CNOT10: variants seen among roughly 807,000 people sequenced by gnomAD.
CNOT10 encodes CCR4-NOT transcription complex, subunit 10.
Under a neutral mutation model 94.6 loss-of-function variants are expected in CNOT10, and 30 were observed. That is an observed-to-expected ratio of 0.32 (90% CI 0.24 to 0.43). The LOEUF is 0.43. Ranked by LOEUF, CNOT10 falls within the 20% of genes least tolerant of loss-of-function variation. The pLI, the probability that CNOT10 is intolerant of heterozygous loss-of-function variation, is 1.00. For synonymous variants in CNOT10, 289 were observed against 301.6 expected (o/e 0.96, Z 0.43); for missense variants, 759 against 877.2 (o/e 0.87, Z 1.70).
intron 6 of CNOT10, among the ~76,000 whole-genome samples, chr3:32,716,703 A>C (rs114635607): frequency 0.014 from 2,114 of 152,250 alleles, 18 homozygotes; most frequent in Non-Finnish European, 0.023. Context: ...GCTGCAGTGC[A>C]ATGGTGCGAT....
intron 1 of CNOT10, among the ~76,000 whole-genome samples, chr3:32,696,669 G>A (rs1697084896): frequency 6.6e-6 from 1 of 152,084 alleles, no homozygotes; most frequent in African/African-American, 2.4e-5. Context: ...CACAATCTCA[G>A]CTCACTGCAG....
At chr3:32,760,865 A>G (rs887990347) in intron 14 of CNOT10, among the ~76,000 whole-genome samples, 2 of 151,696 alleles carry the variant, frequency 1.3e-5, no homozygotes, top group African/African-American at 4.8e-5. Context: ...GCTGTGGCTC[A>G]CACCTGTAAT....
At chr3:32,730,051 A>C (rs1032149468) in intron 10 of CNOT10, among the ~76,000 whole-genome samples, 1 of 152,008 alleles carries the variant, frequency 6.6e-6, no homozygotes, top group Non-Finnish European at 1.5e-5. Flanking sequence ...TACAGGCGTG[A>C]GCCACCGCGC....
chr3:32,695,269 C>G (rs1034229404), intron 1 of CNOT10, among the ~76,000 whole-genome samples: 1 of 152,078 alleles, frequency 6.6e-6, no homozygotes, highest in Non-Finnish European at 1.5e-5. Context: ...GTATGTTAAC[C>G]TAGCTGTATA....
At chr3:32,709,761 T>C (rs551848424) in intron 4 of CNOT10, among the ~76,000 whole-genome samples, 2 of 152,346 alleles carry the variant, frequency 1.3e-5, no homozygotes, top group African/African-American at 4.8e-5. Context: ...AGAGTTACAC[T>C]TTTAGGACTG....
At chr3:32,740,153 G>T (rs112419184) in intron 13 of CNOT10, among the ~76,000 whole-genome samples, 3,351 of 152,142 alleles carry the variant, frequency 0.022, 51 homozygotes, top group East Asian at 0.048. Context: ...TTTCTCAAAG[G>T]CAACTTCTTA....
chr3:32,725,537 A>G lies in CNOT10; in HGVS notation c.950A>G (p.Lys317Arg), dbSNP rs749469656. ...SKHNLGIFYF[K>R]KALQENDNVC... is the part of the protein sequence containing the mutation. The stretch of plus-strand genomic sequence containing the variant: ...CACAATTTGGGAATATTCTACTTTA[A>G]AAAGGCTCTGCAAGAGAATGACAAT... Residue 317 changes from lysine to arginine, a missense_variant, in exon 9 of 19, where the codon AAA becomes AGA. Coordinates refer to ENST00000328834, the MANE Select transcript of CNOT10 (RefSeq NM_015442.3). 2.5e-6 allele frequency: 4 copies of G among 1,614,028 alleles called. No homozygotes were observed. In the Admixed American group the frequency reaches 5.0e-5, roughly 20 times the overall value.
At chr3:32,772,698 A>G (rs1392581039) in intron 18 of CNOT10, among the ~76,000 whole-genome samples, 1 of 149,500 alleles carries the variant, frequency 6.7e-6, no homozygotes. Context: ...CTCTGTCTCA[A>G]AAAAAACCCA....
chr3:32,696,149 C>T (rs1697056887), intron 1 of CNOT10, among the ~76,000 whole-genome samples: 1 of 151,906 alleles, frequency 6.6e-6, no homozygotes, highest in South Asian at 2.1e-4. Context: ...AACCCTGCCT[C>T]TACTAAAAAT....
intron 1 of CNOT10, among the ~76,000 whole-genome samples, chr3:32,700,237 A>G (rs1697276333): frequency 6.6e-6 from 1 of 152,080 alleles, no homozygotes; most frequent in Non-Finnish European, 1.5e-5. Context: ...CGGCCTCCCA[A>G]AGTGCTGGGA....
At chr3:32,738,664 G>A (rs141282928) in intron 13 of CNOT10, among the ~76,000 whole-genome samples, 12,155 of 151,824 alleles carry the variant, frequency 0.08, 647 homozygotes, top group Middle Eastern at 0.18. Context: ...GGGTTTCACC[G>A]TGTTAGCCAG....
chr3:32,734,380 AT>A (rs1699088373), intron 11 of CNOT10, among the ~76,000 whole-genome samples: 1 of 152,214 alleles, frequency 6.6e-6, no homozygotes, highest in Non-Finnish European at 1.5e-5. Context: ...GTATAGAGGC[AT>A]TTTTGAAAGC....
intron 1 of CNOT10, among the ~76,000 whole-genome samples, chr3:32,697,518 T>G (rs1240378927): frequency 6.6e-6 from 1 of 152,168 alleles, no homozygotes; most frequent in Non-Finnish European, 1.5e-5. Context: ...TCACCCAGGC[T>G]GGAGTGCAGT....
intron 12 of CNOT10, 73 bp from the exon 13 acceptor site, chr3:32,737,337 C>A: frequency 3.6e-6 from 4 of 1,117,436 alleles, no homozygotes; most frequent in Non-Finnish European, 3.9e-6. Flanking sequence ...GGAGTAAGGA[C>A]AGGGAAACAA....
intron 7 of CNOT10, among the ~76,000 whole-genome samples, chr3:32,718,759 G>A (rs1007038045): frequency 6.6e-6 from 1 of 152,064 alleles, no homozygotes; most frequent in Non-Finnish European, 1.5e-5. Context: ...GAACTTTGGG[G>A]TGGGTGGGAG....
At chr3:32,710,456 T>C (rs1697835208) in intron 4 of CNOT10, among the ~76,000 whole-genome samples, 1 of 152,184 alleles carries the variant, frequency 6.6e-6, no homozygotes, top group South Asian at 2.1e-4. Flanking sequence ...GGTGCATTTG[T>C]TATAATTGAT....
intron 1 of CNOT10, 85 bp downstream of exon 1, chr3:32,685,567 G>T: frequency 1.4e-6 from 2 of 1,454,792 alleles, no homozygotes; most frequent in Non-Finnish European, 1.9e-6. Context: ...GGGGCCCGGG[G>T]TGGGGACTCC....
At chr3:32,753,733 A>G in intron 13 of CNOT10, 1 of 1,600,314 alleles carries the variant, frequency 6.2e-7, no homozygotes. Context: ...TGCAGCTTTA[A>G]ACAGATTATT....
At chr3:32,756,939 T>C (rs1212930774) in intron 13 of CNOT10, among the ~76,000 whole-genome samples, 4 of 151,166 alleles carry the variant, frequency 2.6e-5, no homozygotes, top group Non-Finnish European at 4.4e-5. Context: ...CCCATCTCTA[T>C]AAAAAAATAC....
Sources: gnomAD v4.1 joint callset for allele counts (sites outside exome capture counted in the v4.1 genomes callset) on GRCh38, gnomAD v4.1.1 for gene constraint, MANE v1.5 for transcripts, NCBI Gene and HGNC (gene_info 2026-07-23, HGNC 2026-07-21) for gene names.